PARD3: variants seen among roughly 807,000 people sequenced by gnomAD.
The protein encoded by PARD3 is partitioning defective 3 homolog.
PARD3 carries 75 observed loss-of-function variants against 155.4 expected under a neutral mutation model. That is an observed-to-expected ratio of 0.48 (90% confidence interval 0.40 to 0.58). The LOEUF (loss-of-function observed/expected upper bound fraction) is 0.58. Among genes scored for constraint, PARD3 ranks in the 20% least tolerant of loss-of-function variants. PARD3 has a pLI of 0.00. For missense variants in PARD3, 1,642 were observed against 1,721.7 expected, an observed-to-expected ratio of 0.95 and a Z score of 0.82; for synonymous variants, 576 against 610.5, an observed-to-expected ratio of 0.94 and a Z score of 0.83.
chr10:34,790,336 C>T (rs779400217), intron 1 of PARD3, among the ~76,000 whole-genome samples: 31 of 152,158 alleles, frequency 2.0e-4, no homozygotes, highest in Non-Finnish European at 3.7e-4. Context: ...ACAGTAATGA[C>T]GCTGATGCAG....
chr10:34,488,712 G>C (rs2079649228), intron 3 of PARD3: 1 of 153,768 alleles, frequency 6.5e-6, no homozygotes, highest in South Asian at 2.0e-4. Context: ...ATGCACTTTG[G>C]CTGGTGAAGC....
chr10:34,474,906 A>G (rs1446230856), intron 3 of PARD3, among the ~76,000 whole-genome samples: 1 of 152,242 alleles, frequency 6.6e-6, no homozygotes, highest in Non-Finnish European at 1.5e-5. Context: ...GAAACGTTAC[A>G]TTAGCCATAA....
At chr10:34,356,751 C>T (rs137933162) in intron 14 of PARD3, among the ~76,000 whole-genome samples, 1 of 152,304 alleles carries the variant, frequency 6.6e-6, no homozygotes, top group East Asian at 1.9e-4. Context: ...GCTGAAAAAT[C>T]ATGTCTTATA....
At chr10:34,506,442 A>G (rs549018776) in intron 3 of PARD3, among the ~76,000 whole-genome samples, 34 of 152,316 alleles carry the variant, frequency 2.2e-4, no homozygotes, top group African/African-American at 7.0e-4. Flanking sequence ...ATCTTTTCTA[A>G]GTCTCTCCTA....
At chr10:34,416,746 G>C (rs1316610251) in intron 5 of PARD3, among the ~76,000 whole-genome samples, 1 of 152,222 alleles carries the variant, frequency 6.6e-6, no homozygotes, top group East Asian at 1.9e-4. Context: ...ACAAATAGAG[G>C]TGGCTGCAAA....
At chr10:34,414,967 T>C (rs1375199086) in intron 5 of PARD3, among the ~76,000 whole-genome samples, 1 of 152,024 alleles carries the variant, frequency 6.6e-6, no homozygotes, top group African/African-American at 2.4e-5. Flanking sequence ...GACAAGCAGA[T>C]GCAGACATGC....
intron 5 of PARD3, among the ~76,000 whole-genome samples, chr10:34,419,915 C>T (rs1846029198): frequency 6.6e-6 from 1 of 152,120 alleles, no homozygotes; most frequent in Non-Finnish European, 1.5e-5. Context: ...ATTTCAATAC[C>T]TAGGAATTTA....
At chr10:34,561,001 G>A (rs573763969) in intron 2 of PARD3, among the ~76,000 whole-genome samples, 11 of 152,234 alleles carry the variant, frequency 7.2e-5, no homozygotes, top group African/African-American at 1.9e-4. Context: ...AGCTTTTAAA[G>A]CAAAAAGAAA....
At chr10:34,814,853 C>A in intron 1 of PARD3, 23 bp downstream of exon 1, 5 of 1,467,700 alleles carry the variant, frequency 3.4e-6, no homozygotes, top group Non-Finnish European at 4.6e-6. Context: ...GCCCCCTCCC[C>A]GCCCGCGCCC....
intron 1 of PARD3, among the ~76,000 whole-genome samples, chr10:34,756,477 T>TAAAA (rs34468358): frequency 8.4e-5 from 7 of 83,276 alleles, no homozygotes; most frequent in Non-Finnish European, 1.1e-4. Flanking sequence ...TTTTTTCTTA[T>TAAAA]AAAAAAAAAA....
chr10:34,184,698 GTTTTT>G (rs9336860), intron 22 of PARD3, among the ~76,000 whole-genome samples: 1 of 135,036 alleles, frequency 7.4e-6, no homozygotes, highest in Non-Finnish European at 1.6e-5. Flanking sequence ...AGGCCTTTCG[GTTTTT>G]TTTTTTTTTT....
At chr10:34,452,773 G>A (rs1009812072) in intron 4 of PARD3, among the ~76,000 whole-genome samples, 2 of 152,156 alleles carry the variant, frequency 1.3e-5, no homozygotes, top group East Asian at 1.9e-4. Flanking sequence ...CATGATCTCA[G>A]TTTCCAACAA....
At chr10:34,352,141 G>A (rs903550836) in intron 14 of PARD3, among the ~76,000 whole-genome samples, 8 of 152,180 alleles carry the variant, frequency 5.3e-5, no homozygotes, top group Admixed American at 2.0e-4. Flanking sequence ...ATGCCTGGAA[G>A]CTATGTTAAA....
At chr10:34,491,710 T>C (rs528361484) in intron 3 of PARD3, among the ~76,000 whole-genome samples, 2 of 152,358 alleles carry the variant, frequency 1.3e-5, no homozygotes, top group South Asian at 2.1e-4. Context: ...ACCAAACAAA[T>C]GCTTGGCTGC....
intron 2 of PARD3, among the ~76,000 whole-genome samples, chr10:34,667,993 C>G (rs1326682200): frequency 6.6e-6 from 1 of 152,148 alleles, no homozygotes; most frequent in Non-Finnish European, 1.5e-5. Context: ...TGGTGCATGT[C>G]TCCTGCTCAG....
chr10:34,297,671 G>A (rs1038881381), intron 20 of PARD3, among the ~76,000 whole-genome samples: 3 of 152,210 alleles, frequency 2.0e-5, no homozygotes, highest in Non-Finnish European at 4.4e-5. Flanking sequence ...TCTGGCCAGT[G>A]ATGGTTAGTC....
chr10:34,628,136 G>C (rs2092076624), intron 2 of PARD3, among the ~76,000 whole-genome samples: 1 of 152,172 alleles, frequency 6.6e-6, no homozygotes, highest in Admixed American at 6.5e-5. Flanking sequence ...TCCAAACTCT[G>C]GCAACTTCTC....
At chr10:34,335,164 A>G (rs1055670932) in intron 18 of PARD3, among the ~76,000 whole-genome samples, 1 of 151,968 alleles carries the variant, frequency 6.6e-6, no homozygotes, top group African/African-American at 2.4e-5. Flanking sequence ...ACAACTCAGT[A>G]AGGGATAAGG....
In PARD3 at chr10:34,328,304, A is replaced by C. The variant is rs1200693417; in HGVS notation, c.2833+2813T>G. On this transcript the variant is annotated intron_variant, in intron 19 of 24. Coordinates refer to ENST00000374788, the MANE Select transcript of PARD3 (RefSeq NM_001184785.2). ...GCCAAGCTTTGTGTTTGGTAATGCA[A>C]GATGGAAATAGATGGGGTGTTTTCC... Among the ~76,000 whole-genome samples the C allele has an allele frequency of 1.1e-3, 167 of 152,174 alleles. 1 individual carries two copies. The highest frequency in any genetic ancestry group is 7.3e-5 in the Non-Finnish European group (5 of 68,040).
Sources: allele counts gnomAD v4.1 joint callset (sites outside exome capture counted in the v4.1 genomes callset), GRCh38; gene constraint gnomAD v4.1.1; transcripts MANE v1.5; gene names NCBI Gene and HGNC (gene_info 2026-07-23, HGNC 2026-07-21).